The following CAMTA1 variants were observed in gnomAD, a reference collection of about 807,000 sequenced individuals.
The protein encoded by CAMTA1 is calmodulin binding transcription activator 1, also known as calmodulin-binding transcription activator 1.
A neutral mutation model predicts 170.9 loss-of-function variants in CAMTA1; 27 were observed. The observed-to-expected ratio is 0.16, with a 90% CI of 0.12 to 0.22. The LOEUF (loss-of-function observed/expected upper bound fraction) is 0.22. Ranked by LOEUF, CAMTA1 falls within the 10% of genes least tolerant of loss-of-function variation. CAMTA1 has a pLI of 1.00. For synonymous variants in CAMTA1, 833 were observed against 891.5 expected, an observed-to-expected ratio of 0.93 and a Z score of 1.17; for missense variants, 1,619 against 2,217.2, an observed-to-expected ratio of 0.73 and a Z score of 5.42.
chr1:7,021,156 A>G (rs1701282461), intron 3 of CAMTA1, among the ~76,000 whole-genome samples: 1 of 152,254 alleles, frequency 6.6e-6, no homozygotes, highest in African/African-American at 2.4e-5. Flanking sequence ...AGGGCAATCA[A>G]GCCCTTGCCA....
Position 6,887,853 on chromosome 1 carries a change from A to T in CAMTA1, c.234+62643A>T, listed in dbSNP as rs1673647674. On this transcript the variant is annotated intron_variant, in intron 3 of 22. Coordinates refer to ENST00000303635, the MANE Select transcript of CAMTA1 (RefSeq NM_015215.4). The surrounding 1 kb of genome is among the most constrained non-coding windows in gnomAD (Gnocchi z 4.1). ...CAAAACCCCAAATTAATTTGAACCG[A>T]ATGTTACTAAAAATGAAATAGAATA... 6 of 1,437,614 alleles carry T rather than the reference A, an allele frequency of 4.2e-6. No homozygotes were observed. 89.1% of individuals were successfully genotyped at this position (1,437,614 alleles called of 1,614,324 possible).
In CAMTA1 at chr1:6,977,149, G is replaced by A. The variant is rs557904156; in HGVS notation, c.235-114155G>A. Reference sequence around the variant, plus strand: ...GGGGCACTGGATGGGGGAGAAGGTCGTGTGGGTCGGGTCCTGCTGTTGGAA... The same window carrying A: ...GGGGCACTGGATGGGGGAGAAGGTCATGTGGGTCGGGTCCTGCTGTTGGAA... On this transcript the variant is annotated intron_variant, in intron 3 of 22. Coordinates refer to ENST00000303635, the MANE Select transcript of CAMTA1 (RefSeq NM_015215.4). 3.9e-5 allele frequency among the ~76,000 whole-genome samples: 6 copies of A among 152,246 alleles called. No individual in the cohort carries two copies. In the South Asian group the frequency reaches 6.2e-4, roughly 16 times the overall value.
chr1:6,837,101 G>C (rs2136525), intron 3 of CAMTA1, among the ~76,000 whole-genome samples: 47,435 of 151,748 alleles, frequency 0.31, 7,644 homozygotes, highest in Admixed American at 0.41. Context: ...CTACAGGCAC[G>C]CGCCACCATA....
chr1:6,973,282 C>T (rs1404822930), intron 3 of CAMTA1, among the ~76,000 whole-genome samples: 1 of 152,188 alleles, frequency 6.6e-6, no homozygotes, highest in Non-Finnish European at 1.5e-5. Flanking sequence ...CTCCCTATTT[C>T]CTCCCCCATC....
At chr1:7,157,778 CAGAA>C (rs939824539) in intron 4 of CAMTA1, among the ~76,000 whole-genome samples, 2 of 152,126 alleles carry the variant, frequency 1.3e-5, no homozygotes, top group Non-Finnish European at 2.9e-5. Flanking sequence ...TCACTGAAAA[CAGAA>C]AGCAACTCAG....
rs1253012109 is a variant in CAMTA1 at position 7,299,641 on chromosome 1, C to T, written c.438+50015C>T. On this transcript the variant is annotated intron_variant, in intron 5 of 22. Transcript: ENST00000303635. The surrounding 1 kb of genome is among the most constrained non-coding windows in gnomAD (Gnocchi z 4.7). ...TCCACTTCCATCTCCTCCCTGGCCA[C>T]ATTCAGGCAGCAATGCCCCAACCCC... Among the ~76,000 whole-genome samples, 1 of 152,206 alleles carries T rather than the reference C, an allele frequency of 6.6e-6. No individual in the cohort carries two copies. The highest frequency in any genetic ancestry group is 2.4e-5 in the African/African-American group (1 of 41,444).
At chr1:7,717,371 A>G (rs1186019673) in intron 11 of CAMTA1, among the ~76,000 whole-genome samples, 1 of 152,200 alleles carries the variant, frequency 6.6e-6, no homozygotes, top group Non-Finnish European at 1.5e-5. Flanking sequence ...TTAATTAGCT[A>G]GATTTAATCT....
chr1:7,758,529 C>T (rs895551683), intron 22 of CAMTA1, among the ~76,000 whole-genome samples: 9 of 152,284 alleles, frequency 5.9e-5, no homozygotes, highest in African/African-American at 1.7e-4. Flanking sequence ...GTTCTTCCAT[C>T]GGAGAAGTCA....
At chr1:7,336,207 C>G (rs2083374962) in intron 5 of CAMTA1, among the ~76,000 whole-genome samples, 1 of 152,200 alleles carries the variant, frequency 6.6e-6, no homozygotes, top group Non-Finnish European at 1.5e-5. Flanking sequence ...CCTGGTCCCC[C>G]ATGAAGCCCT....
intron 4 of CAMTA1, among the ~76,000 whole-genome samples, chr1:7,116,214 C>G (rs1374664831): frequency 6.6e-6 from 1 of 152,332 alleles, no homozygotes; most frequent in South Asian, 2.1e-4. Flanking sequence ...TTCTTCACCA[C>G]TGACTCAGCT....
chr1:7,542,990 G>T (rs920789217), intron 6 of CAMTA1, among the ~76,000 whole-genome samples: 2 of 151,934 alleles, frequency 1.3e-5, no homozygotes, highest in South Asian at 4.2e-4. Context: ...TCAGCCTCCC[G>T]AGTAGCTGGG....
intron 4 of CAMTA1, among the ~76,000 whole-genome samples, chr1:7,123,847 G>T (rs1160173310): frequency 1.3e-5 from 2 of 152,200 alleles, no homozygotes; most frequent in Non-Finnish European, 2.9e-5. Context: ...CCAAGGCCTT[G>T]CAGAGGGAGA....
intron 3 of CAMTA1, among the ~76,000 whole-genome samples, chr1:6,838,103 T>C (rs1006089885): frequency 6.6e-6 from 1 of 152,162 alleles, no homozygotes; most frequent in Non-Finnish European, 1.5e-5. Flanking sequence ...GGACTGTTCA[T>C]TGAATGAATG....
chr1:7,564,576 G>A (rs949186210), intron 6 of CAMTA1, among the ~76,000 whole-genome samples: 5 of 152,162 alleles, frequency 3.3e-5, no homozygotes, highest in East Asian at 1.9e-4. Context: ...GCATGCCTGC[G>A]TGTGTGTCTG....
chr1:7,462,642 A>G (rs2093117821), intron 5 of CAMTA1, among the ~76,000 whole-genome samples: 1 of 152,160 alleles, frequency 6.6e-6, no homozygotes, highest in African/African-American at 2.4e-5. Flanking sequence ...AAGAATACTC[A>G]TGACACTTGA....
chr1:7,196,133 C>T (rs1655483111), intron 4 of CAMTA1, among the ~76,000 whole-genome samples: 1 of 152,156 alleles, frequency 6.6e-6, no homozygotes, highest in Non-Finnish European at 1.5e-5. Context: ...TTCCCCCTTG[C>T]TGTTCTCGTG....
intron 5 of CAMTA1, among the ~76,000 whole-genome samples, chr1:7,393,759 G>T (rs1031661219): frequency 1.3e-5 from 2 of 152,080 alleles, no homozygotes; most frequent in African/African-American, 4.8e-5. Context: ...ATACAATATT[G>T]TTAACCATAG....
chr1:6,917,854 G>C (rs1019546215), intron 3 of CAMTA1, among the ~76,000 whole-genome samples: 3 of 147,486 alleles, frequency 2.0e-5, no homozygotes, highest in Admixed American at 1.4e-4. Flanking sequence ...TCGGGGGCGG[G>C]GGGGGACATC....
chr1:7,399,094 C>T (rs1433181529), intron 5 of CAMTA1, among the ~76,000 whole-genome samples: 1 of 151,992 alleles, frequency 6.6e-6, no homozygotes, highest in African/African-American at 2.4e-5. Flanking sequence ...AAATTTGATC[C>T]CCAATGTTGG....
Sources: gnomAD v4.1 joint callset for allele counts (sites outside exome capture counted in the v4.1 genomes callset) on GRCh38, gnomAD v4.1.1 for gene constraint, Gnocchi (gnomAD v3.1) non-coding constraint, MANE v1.5 for transcripts, NCBI Gene and HGNC (gene_info 2026-07-23, HGNC 2026-07-21) for gene names.